ERBIN: variants seen among roughly 807,000 people sequenced by gnomAD.
ERBIN encodes erbb2 interacting protein, also known as densin-180-like protein.
ERBIN carries 60 observed loss-of-function variants against 158.4 expected under a neutral mutation model. The observed-to-expected ratio is 0.38, with a 90% CI of 0.31 to 0.47. ERBIN has a LOEUF of 0.47. Among genes scored for constraint, ERBIN ranks in the 20% least tolerant of loss-of-function variants. The pLI is 0.99. For missense variants in ERBIN, 1,610 were observed against 1,648.0 expected, an observed-to-expected ratio of 0.98 and a Z score of 0.40; for synonymous variants, 594 against 557.2, an observed-to-expected ratio of 1.07 and a Z score of -0.93.
chr5:65,947,023 T>C (rs1745844525), intron 1 of ERBIN, among the ~76,000 whole-genome samples: 1 of 152,132 alleles, frequency 6.6e-6, no homozygotes, highest in Non-Finnish European at 1.5e-5. Context: ...ATATATAGTT[T>C]GCAGGTATTT....
chr5:66,044,854 G>C (rs965269631), intron 17 of ERBIN, among the ~76,000 whole-genome samples: 1 of 151,780 alleles, frequency 6.6e-6, no homozygotes. Context: ...AGGTGGGATG[G>C]TCACTTACAC....
At chr5:65,929,172 G>A (rs933367969) in intron 1 of ERBIN, among the ~76,000 whole-genome samples, 10 of 152,164 alleles carry the variant, frequency 6.6e-5, no homozygotes, top group Non-Finnish European at 1.3e-4. Context: ...TCTTAATGAA[G>A]TGATAACTAT....
chr5:66,058,359 A>G (rs1404938004), intron 21 of ERBIN, among the ~76,000 whole-genome samples: 1 of 151,672 alleles, frequency 6.6e-6, no homozygotes, highest in African/African-American at 2.4e-5. Flanking sequence ...GTCTGTTCAT[A>G]TGCTTTGCCT....
At chr5:66,056,079 T>C (rs1759547571) in intron 21 of ERBIN, among the ~76,000 whole-genome samples, 1 of 152,180 alleles carries the variant, frequency 6.6e-6, no homozygotes. Context: ...AACATAGGTG[T>C]GTTTTATAAA....
At chr5:66,028,057 T>C (rs1217363411) in intron 13 of ERBIN, among the ~76,000 whole-genome samples, 3 of 152,130 alleles carry the variant, frequency 2.0e-5, no homozygotes, top group African/African-American at 4.8e-5. Context: ...ATTGATTCAA[T>C]TGAAGAATTA....
In ERBIN at chr5:66,054,487, T is replaced by C. The variant is rs775041506; in HGVS notation, c.3169T>C (p.Trp1057Arg). 9.6e-5 allele frequency: 155 copies of C among 1,614,066 alleles called. No homozygotes were observed. Among genetic ancestry groups the C allele is most frequent in the Non-Finnish European group, 1.3e-4 (148 of 1,180,032 alleles). The stretch of plus-strand genomic sequence containing the variant: ...TGGCCCAGCAAGACATGGGGAAATG[T>C]GGGCCATCTCACCAAACGACCGACT... ...RLGPARHGEM[W>R]AISPNDRLIP... Residue 1057 changes from tryptophan to arginine, a missense_variant, in exon 21 of 26, where the codon TGG becomes CGG. Trp to Arg is a moderately radical substitution (Grantham distance 101). Transcript: ENST00000284037.
intron 25 of ERBIN, 121 bp from the exon 26 acceptor site, chr5:66,078,302 T>C: frequency 3.0e-6 from 2 of 660,408 alleles, no homozygotes; most frequent in Non-Finnish European, 2.6e-6. Context: ...CCTGTGAATC[T>C]GTATGTTATT....
In ERBIN at chr5:66,054,108, T is replaced by A. The variant is rs1247139074; in HGVS notation, c.2790T>A (p.Ser930=). 3.1e-6 allele frequency: 5 copies of A among 1,614,084 alleles called. No individual in the cohort carries two copies. In the Admixed American group the frequency reaches 8.3e-5, roughly 27 times the overall value. ...AACCATTGCAGGTATTTACTGGTTC[T>A]TCCTCATCTTCTGATTTAATATCAG... The part of the protein sequence containing the change: ...YDQPLQVFTG[S]SSSSDLISGT... Residue 930 remains serine (S), a synonymous_variant, in exon 21 of 26, where the codon TCT becomes TCA. Coordinates refer to ENST00000284037, the MANE Select transcript of ERBIN (RefSeq NM_001253697.2).
intron 1 of ERBIN, among the ~76,000 whole-genome samples, chr5:65,968,750 A>G (rs1748936323): frequency 1.3e-5 from 2 of 152,098 alleles, no homozygotes; most frequent in Admixed American, 1.3e-4. Flanking sequence ...TAGTAGAGAC[A>G]GGGTTCCCTG....
At chr5:66,039,884 A>G (rs1283841915) in intron 15 of ERBIN, among the ~76,000 whole-genome samples, 2 of 151,930 alleles carry the variant, frequency 1.3e-5, no homozygotes, top group Admixed American at 1.3e-4. Flanking sequence ...TAGAAAGCTG[A>G]ATAGGTTTTG....
chr5:66,026,306 G>A lies in ERBIN; in HGVS notation c.1025G>A (p.Gly342Glu). ...NYLQQLPPEI[G>E]SWKNITVLFL... ...CAGTTTATATTTCTCTTTCAGATTG[G>A]AAGCTGGAAAAATATAACTGTGCTG... Residue 342 changes from glycine to glutamate, a missense_variant, in exon 13 of 26, where the codon GGA becomes GAA. Coordinates refer to ENST00000284037, the MANE Select transcript of ERBIN (RefSeq NM_001253697.2). 6.4e-7 allele frequency: 1 copy of A among 1,574,482 alleles called. No individual in the cohort carries two copies. Among genetic ancestry groups the A allele is most frequent in the Non-Finnish European group, 8.6e-7 (1 of 1,164,026 alleles).
intron 2 of ERBIN, among the ~76,000 whole-genome samples, chr5:65,991,399 A>G (rs1751850686): frequency 6.6e-6 from 1 of 152,170 alleles, no homozygotes; most frequent in Non-Finnish European, 1.5e-5. Flanking sequence ...GTTAGAGGTA[A>G]TCTAATACTC....
chr5:65,971,430 C>T (rs1427645822), intron 1 of ERBIN, among the ~76,000 whole-genome samples: 3 of 152,058 alleles, frequency 2.0e-5, no homozygotes, highest in Non-Finnish European at 4.4e-5. Flanking sequence ...TGAATTTTCA[C>T]TTATTTGAAC....
chr5:66,067,927 A>G (rs1267682834), intron 21 of ERBIN, among the ~76,000 whole-genome samples: 3 of 152,188 alleles, frequency 2.0e-5, no homozygotes, highest in African/African-American at 7.2e-5. Flanking sequence ...CCTGGGTAAC[A>G]TAGCAAGACC....
At chr5:65,996,066 C>G (rs916315400) in intron 4 of ERBIN, among the ~76,000 whole-genome samples, 1 of 152,050 alleles carries the variant, frequency 6.6e-6, no homozygotes, top group African/African-American at 2.4e-5. Context: ...TAATCTGTTT[C>G]TTCACTCTGT....
intron 1 of ERBIN, among the ~76,000 whole-genome samples, chr5:65,971,456 C>T (rs1217526863): frequency 6.6e-6 from 1 of 151,998 alleles, no homozygotes; most frequent in African/African-American, 2.4e-5. Flanking sequence ...GATATCAGCT[C>T]AAAAGCTTTG....
chr5:65,954,324 G>C (rs1746845983), intron 1 of ERBIN, among the ~76,000 whole-genome samples: 1 of 152,140 alleles, frequency 6.6e-6, no homozygotes, highest in Admixed American at 6.5e-5. Flanking sequence ...AAACACGTAG[G>C]AATTGGTGAA....
intron 1 of ERBIN, among the ~76,000 whole-genome samples, chr5:65,987,367 T>TACACACACAC (rs56222591): frequency 0.045 from 6,138 of 135,728 alleles, 224 homozygotes; most frequent in African/African-American, 0.09. Flanking sequence ...AGAGACTGTC[T>TACACACACAC]ACACACACAC....
Position 65,988,638 on chromosome 5 carries a change from G to T in ERBIN, c.-54G>T, listed in dbSNP as rs1160121197. The T allele has an allele frequency of 1.3e-5, 2 of 152,066 alleles. No homozygotes were observed. Among genetic ancestry groups the T allele is most frequent in the Admixed American group, 1.3e-4 (2 of 15,264 alleles). 9.4% of individuals were successfully genotyped at this position (152,066 alleles called of 1,614,324 possible). A position where few individuals can be genotyped will look rare whatever the true frequency, so the allele number is the denominator to read the frequency against. ...GTTCTTTTTTTGCTTTCCATAGAAT[G>T]TTGGCTCAATTAAGAAACATCAGGG... On this transcript the variant is annotated 5_prime_UTR_variant, in exon 2 of 26. The change abolishes an upstream ATG in the 5' untranslated region. Coordinates refer to ENST00000284037, the MANE Select transcript of ERBIN (RefSeq NM_001253697.2).
Sources: gnomAD v4.1 joint callset for allele counts (sites outside exome capture counted in the v4.1 genomes callset) on GRCh38, gnomAD v4.1.1 for gene constraint, MANE v1.5 for transcripts, NCBI Gene and HGNC (gene_info 2026-07-23, HGNC 2026-07-21) for gene names.